The following CDH12 variants were observed in gnomAD, a reference collection of about 807,000 sequenced individuals.
CDH12 encodes the protein cadherin-12.
A neutral mutation model predicts 74.1 loss-of-function variants in CDH12; 41 were observed. That is an observed-to-expected ratio of 0.55 (90% CI 0.43 to 0.72). The LOEUF (loss-of-function observed/expected upper bound fraction) is 0.72. Among genes scored for constraint, CDH12 ranks in the 30% least tolerant of loss-of-function variants. CDH12 has a pLI of 0.00. For missense variants in CDH12, 945 were observed against 977.2 expected (o/e 0.97, Z 0.44); for synonymous variants, 399 against 355.0 (o/e 1.12, Z -1.39).
chr5:21,816,810 A>C, intron 9 of CDH12, 135 bp downstream of exon 9: 1 of 545,532 alleles, frequency 1.8e-6, no homozygotes, highest in Non-Finnish European at 3.0e-6. Flanking sequence ...CAGTACCCCA[A>C]CTCTCACATG....
At chr5:21,855,035 C>G (rs1170126447) in intron 6 of CDH12, among the ~76,000 whole-genome samples, 1 of 151,612 alleles carries the variant, frequency 6.6e-6, no homozygotes, top group South Asian at 2.1e-4. Flanking sequence ...GCTGGATCAT[C>G]GAAATGAAAG....
In CDH12 at chr5:22,044,576, T is replaced by A. The variant is rs183049069; in HGVS notation, c.231+33870A>T. Among the ~76,000 whole-genome samples the A allele has an allele frequency of 6.8e-3, 1,028 of 152,268 alleles. 3 individuals are homozygous for A. Among genetic ancestry groups the A allele is most frequent in the Non-Finnish European group, 0.011 (733 of 68,022 alleles). On this transcript the variant is annotated intron_variant, in intron 5 of 14. Coordinates refer to ENST00000382254, the MANE Select transcript of CDH12 (RefSeq NM_004061.5). ...AGGTCCATCCCTCAACATGTGGGGA[T>A]TACAATTTGTAATGAGATTTGGGTG...
At chr5:22,679,239 T>G (rs1009778619) in intron 1 of CDH12, among the ~76,000 whole-genome samples, 1 of 152,106 alleles carries the variant, frequency 6.6e-6, no homozygotes, top group South Asian at 2.1e-4. Flanking sequence ...AGTATACTGA[T>G]GAAGAAAAGT....
Position 22,388,368 on chromosome 5 carries a change from G to T in CDH12, c.-333+16889C>A, listed in dbSNP as rs545865675. ...ATATATTAAAGAAAAGAGTTATGTT[G>T]CTTTAAGAAGGGACAAATAGAGGTC... On this transcript the variant is annotated intron_variant, in intron 3 of 14. Transcript: ENST00000382254. Among the ~76,000 whole-genome samples, 853 of 151,966 alleles carry T rather than the reference G, an allele frequency of 5.6e-3. 6 individuals are homozygous for T. The highest frequency in any genetic ancestry group is 9.3e-3 in the Non-Finnish European group (634 of 67,926).
intron 1 of CDH12, among the ~76,000 whole-genome samples, chr5:22,771,554 A>T (rs949929048): frequency 3.3e-5 from 5 of 152,130 alleles, no homozygotes; most frequent in African/African-American, 1.2e-4. Context: ...AACTGAAAAA[A>T]ATATTTTTAT....
chr5:21,882,311 T>A (rs1475808406), intron 6 of CDH12, among the ~76,000 whole-genome samples: 4 of 152,188 alleles, frequency 2.6e-5, no homozygotes, highest in Admixed American at 6.5e-5. Context: ...ACACAGAGGA[T>A]GACGTAAAGC....
intron 4 of CDH12, among the ~76,000 whole-genome samples, chr5:22,182,043 C>A (rs6875639): frequency 2.6e-5 from 4 of 151,984 alleles, no homozygotes; most frequent in African/African-American, 9.7e-5. Context: ...ATCACTCCCC[C>A]ACTCCATCTT....
chr5:22,265,895 G>T (rs982659197), intron 3 of CDH12, among the ~76,000 whole-genome samples: 1 of 151,988 alleles, frequency 6.6e-6, no homozygotes. Flanking sequence ...GATTGAAGAG[G>T]ACTGAAATAG....
intron 1 of CDH12, among the ~76,000 whole-genome samples, chr5:22,807,418 C>A (rs1013014062): frequency 5.3e-5 from 8 of 152,044 alleles, no homozygotes; most frequent in African/African-American, 1.9e-4. Flanking sequence ...ATATATAAGA[C>A]ATAATAATAG....
At chr5:22,722,374 C>T (rs537012998) in intron 1 of CDH12, among the ~76,000 whole-genome samples, 3 of 152,324 alleles carry the variant, frequency 2.0e-5, no homozygotes, top group African/African-American at 4.8e-5. Context: ...CACAAAGCCA[C>T]GTTGTGGCAC....
intron 2 of CDH12, among the ~76,000 whole-genome samples, chr5:22,461,549 CA>C (rs1385772892): frequency 6.7e-6 from 1 of 149,982 alleles, no homozygotes; most frequent in African/African-American, 2.5e-5. Context: ...AAATATTTTC[CA>C]AGACATATTA....
intron 3 of CDH12, among the ~76,000 whole-genome samples, chr5:22,331,474 G>T (rs1739350682): frequency 6.6e-6 from 1 of 152,100 alleles, no homozygotes; most frequent in Admixed American, 6.5e-5. Flanking sequence ...CCACCAAGGT[G>T]GTACCTCTAC....
rs200065755 is a variant in CDH12 at position 22,165,562 on chromosome 5, T to C, written c.-187+46936A>G. Among the ~76,000 whole-genome samples the C allele has an allele frequency of 8.5e-5, 13 of 152,158 alleles. No homozygotes were observed. The East Asian group carries it at 2.3e-3, about 27-fold the overall frequency. ...TTCCAAGCATTTGTGGTCAACACTC[T>C]TACTGTGTTTCACTTGTTTTTTCCT... On this transcript the variant is annotated intron_variant, in intron 4 of 14. Coordinates refer to ENST00000382254, the MANE Select transcript of CDH12 (RefSeq NM_004061.5).
At chr5:22,698,364 G>T (rs368054120) in intron 1 of CDH12, among the ~76,000 whole-genome samples, 1 of 150,840 alleles carries the variant, frequency 6.6e-6, no homozygotes, top group East Asian at 2.0e-4. Context: ...CAAGTAATCC[G>T]CCCACCTCGG....
intron 7 of CDH12, 122 bp downstream of exon 7, chr5:21,854,545 GCTTA>G: frequency 1.6e-6 from 1 of 631,366 alleles, no homozygotes; most frequent in African/African-American, 1.9e-5. Flanking sequence ...CATCTTCTTT[GCTTA>G]ATGCGCATCG....
intron 6 of CDH12, among the ~76,000 whole-genome samples, chr5:21,863,679 T>C (rs1490139465): frequency 6.6e-6 from 1 of 152,192 alleles, no homozygotes; most frequent in East Asian, 1.9e-4. Flanking sequence ...CTGCTGATAT[T>C]GAATTTTCTA....
chr5:22,788,466 A>C lies in CDH12; in HGVS notation c.-523+64592T>G, dbSNP rs111233916. Among the ~76,000 whole-genome samples, 830 of 151,006 alleles carry C rather than the reference A, an allele frequency of 5.5e-3. 8 individuals are homozygous for C. Among genetic ancestry groups the C allele is most frequent in the African/African-American group, 0.019 (785 of 41,288 alleles). On this transcript the variant is annotated intron_variant, in intron 1 of 14. Coordinates refer to ENST00000382254, the MANE Select transcript of CDH12 (RefSeq NM_004061.5). ...GAAGAAAAAAGATTATCATTATTAT[A>C]ATTAAAATGCATTGAATACTCACTA... is the stretch of plus-strand genomic sequence containing the variant.
intron 1 of CDH12, among the ~76,000 whole-genome samples, chr5:22,654,178 C>CTTCTTTCTTTCTTTCTTTCTT (rs1561554386): frequency 6.8e-6 from 1 of 147,294 alleles, no homozygotes; most frequent in Non-Finnish European, 1.5e-5. Flanking sequence ...TCCTTCCTTT[C>CTTCTTTCTTTCTTTCTTTCTT]TTCTTTCTTT....
intron 6 of CDH12, among the ~76,000 whole-genome samples, chr5:21,916,021 T>G (rs1754078017): frequency 6.6e-6 from 1 of 152,118 alleles, no homozygotes; most frequent in Admixed American, 6.6e-5. Flanking sequence ...AAAAGCAATG[T>G]GCCAATGGAT....
Sources: allele counts gnomAD v4.1 joint callset (sites outside exome capture counted in the v4.1 genomes callset), GRCh38; gene constraint gnomAD v4.1.1; transcripts MANE v1.5; gene names NCBI Gene and HGNC (gene_info 2026-07-23, HGNC 2026-07-21).